CERS1: variants seen among roughly 807,000 people sequenced by gnomAD.
CERS1 encodes Embryonic growth/differentiation factor 1.
CERS1 carries 16 observed loss-of-function variants against 35.7 expected under a neutral mutation model. The observed-to-expected ratio is 0.45, with a 90% confidence interval of 0.30 to 0.68. CERS1 has a LOEUF of 0.68. Among genes scored for constraint, CERS1 ranks in the 30% least tolerant of loss-of-function variants. CERS1 has a pLI of 0.08. For missense variants in CERS1, 454 were observed against 453.9 expected, an observed-to-expected ratio of 1.00 and a Z score of 0.00; for synonymous variants, 243 against 201.6, an observed-to-expected ratio of 1.21 and a Z score of -1.74.
At position 18,893,400 on chromosome 19, in the gene CERS1, C is replaced by A; in HGVS notation, c.409+16G>T. On this transcript the variant is annotated intron_variant, in intron 2 of 7. Coordinates refer to ENST00000623882, the MANE Select transcript of CERS1 (RefSeq NM_021267.5). ...TTTAAGCAGAGCCCTCCCGGCCATC[C>A]CCTCAGGGCCCCTACCGTAGAAGAC... 1 of 1,592,540 alleles carries A rather than the reference C, an allele frequency of 6.3e-7. No homozygotes were observed. The highest frequency in any genetic ancestry group is 1.3e-5 in the African/African-American group (1 of 74,618).
rs996708246 is a variant in CERS1, at chr19:18,896,059, C to CCCG, written c.11_13dup (p.Ala4dup). The CCCG allele has an allele frequency of 7.7e-5, 76 of 982,136 alleles. No homozygotes were observed. The highest frequency in any genetic ancestry group is 4.5e-4 in the East Asian group (4 of 8,856). 60.8% of individuals were successfully genotyped at this position (982,136 alleles called of 1,614,324 possible). Reference sequence around the variant, plus strand: ...GGGCCCCGTCGGCCCCGCCGCGGGCCCCGCCGCCGCCATACCGCCCGCTCG... The same window carrying CCCG: ...GGGCCCCGTCGGCCCCGCCGCGGGCCCCGCCGCCGCCGCCATACCGCCCGCTCG... On this transcript the variant is annotated inframe_insertion, in exon 1 of 8. Transcript: ENST00000623882. This position sits in a 1 kb window ranked among gnomAD's most constrained non-coding sequence, Gnocchi z 5.9.
Position 18,895,763 on chromosome 19 carries a change from T to C in CERS1, c.249+61A>G. 1.0e-6 allele frequency: 1 copy of C among 961,714 alleles called. No individual in the cohort carries two copies. The highest frequency in any genetic ancestry group is 5.2e-5 in the Admixed American group (1 of 19,138). The allele number at this position is 961,714 out of a possible 1,614,324, so 59.6% of individuals were successfully genotyped here. ...AAAGGAACGCGCCGGCGGCCCCAGG[T>C]CCCCGGTCCCGGCTTCCCCCAGTCC... On this transcript the variant is annotated intron_variant, in intron 1 of 7. Coordinates refer to ENST00000623882, the MANE Select transcript of CERS1 (RefSeq NM_021267.5). The surrounding 1 kb of genome is among the most constrained non-coding windows in gnomAD (Gnocchi z 6.4).
At position 18,878,188 on chromosome 19, in the gene CERS1, C is replaced by T. The variant is rs2056099180; in HGVS notation, c.1010+742G>A. The T allele has an allele frequency of 6.1e-6, 6 of 985,660 alleles. No individual in the cohort carries two copies. The highest frequency in any genetic ancestry group is 7.2e-6 in the Non-Finnish European group (6 of 830,086). The allele number at this position is 985,660 out of a possible 1,614,324, so 61.1% of individuals were successfully genotyped here. On this transcript the variant is annotated intron_variant, in intron 6 of 7. Transcript: ENST00000623882. This position sits in a 1 kb window ranked among gnomAD's most constrained non-coding sequence, Gnocchi z 4.6. Reference sequence around the variant, plus strand: ...GGCACCTTCCAGGGCCTTCCACAACCTCCTGCCCCGGCTCCTGCTCAAACA... The same window carrying T: ...GGCACCTTCCAGGGCCTTCCACAACTTCCTGCCCCGGCTCCTGCTCAAACA...
chr19:18,881,467 G>A (rs761480190), intron 3 of CERS1, among the ~76,000 whole-genome samples: 5 of 151,174 alleles, frequency 3.3e-5, no homozygotes, highest in South Asian at 2.1e-4. Flanking sequence ...TGACCCACCC[G>A]CCTTGGCCTC....
intron 4 of CERS1, among the ~76,000 whole-genome samples, chr19:18,879,849 C>T (rs2146016714): frequency 6.6e-6 from 1 of 150,620 alleles, no homozygotes; most frequent in East Asian, 2.0e-4. Context: ...CACAGCGCCT[C>T]CCTTTCTCTG....
chr19:18,884,143 G>T lies in CERS1; in HGVS notation c.534C>A (p.Val178=). The change falls in exon 3 of 8, where the codon GTC becomes GTA. Residue 178 remains valine, a synonymous_variant. Transcript: ENST00000623882. ...YMDTWRKDSV[V]MLLHHVVTLI... is the part of the protein sequence containing the mutation. ...GAGTGACCACGTGGTGGAGCAGCAT[G>T]ACCACCGAGTCCTTGCGCCAGGTGT... The T allele has an allele frequency of 6.2e-7, 1 of 1,613,762 alleles. No individual in the cohort carries two copies. The highest frequency in any genetic ancestry group is 1.1e-5 in the South Asian group (1 of 91,006).
At chr19:18,877,477 G>A (rs564753663) in intron 6 of CERS1, among the ~76,000 whole-genome samples, 1 of 152,344 alleles carries the variant, frequency 6.6e-6, no homozygotes, top group Non-Finnish European at 1.5e-5. Context: ...CAGGCCGGCT[G>A]CAGTGGCTCA....
chr19:18,883,648 A>G (rs1457338682), intron 3 of CERS1, among the ~76,000 whole-genome samples: 1 of 152,136 alleles, frequency 6.6e-6, no homozygotes, highest in African/African-American at 2.4e-5. Context: ...GTTTGGACAG[A>G]CTCCATCTGA....
At chr19:18,885,554 C>T (rs1287978087) in intron 2 of CERS1, among the ~76,000 whole-genome samples, 2 of 137,722 alleles carry the variant, frequency 1.5e-5, no homozygotes, top group East Asian at 4.4e-4. Flanking sequence ...GAGTCTTGCT[C>T]TGTAGCCCAG....
Position 18,870,200 on chromosome 19 carries a change from G to A in CERS1, c.*377C>T. The A allele has an allele frequency of 1.3e-6, 2 of 1,559,632 alleles. No homozygotes were observed. Among genetic ancestry groups the A allele is most frequent in the South Asian group, 1.2e-5 (1 of 85,080 alleles). On this transcript the variant is annotated 3_prime_UTR_variant, in exon 7 of 8. Coordinates refer to ENST00000623882, the MANE Select transcript of CERS1 (RefSeq NM_021267.5). The surrounding 1 kb of genome is among the most constrained non-coding windows in gnomAD (Gnocchi z 5.1). ...GTCCTAGAGCCTGGAGCAGGGCGGC[G>A]GCTGGGCCTGGGGGCACGGGGGCGC...
At chr19:18,877,350 A>C (rs1222630994) in intron 6 of CERS1, among the ~76,000 whole-genome samples, 1 of 152,134 alleles carries the variant, frequency 6.6e-6, no homozygotes, top group East Asian at 1.9e-4. Context: ...TCACTGTTCT[A>C]CAGCAAGAGG....
rs759864943 is a variant in CERS1, at chr19:18,878,126, T to A, written c.1010+804A>T. On this transcript the variant is annotated intron_variant, in intron 6 of 7. Coordinates refer to ENST00000623882, the MANE Select transcript of CERS1 (RefSeq NM_021267.5). The surrounding 1 kb of genome is among the most constrained non-coding windows in gnomAD (Gnocchi z 4.6). ...GAAACCATCGTTCCCACGTCACCGA[T>A]GGCCCCCACCGGCCAAATCAGAGGG... 8 of 985,482 alleles carry A rather than the reference T, an allele frequency of 8.1e-6. No individual in the cohort carries two copies. Among genetic ancestry groups the A allele is most frequent in the Non-Finnish European group, 9.6e-6 (8 of 830,012 alleles). 61.0% of individuals were successfully genotyped at this position (985,482 alleles called of 1,614,324 possible).
intron 4 of CERS1, among the ~76,000 whole-genome samples, chr19:18,879,795 T>G (rs993463268): frequency 7.8e-6 from 1 of 128,212 alleles, no homozygotes; most frequent in African/African-American, 2.9e-5. Context: ...TCCCCTTCTC[T>G]GCCAGGCCCC....
rs1555702261 is a variant in CERS1 at position 18,868,914 on chromosome 19, GACAAGCGCCCCCGGGGCCGCCGCCCA to G, written c.*1045_*1070del. Reference sequence around the variant, plus strand: ...AAGCTCACGTACAGCCGCCGCGCGCGACAAGCGCCCCCGGGGCCGCCGCCCAACACGGGTTCGGCGTCGCGCCGCGG... The same window carrying G: ...AAGCTCACGTACAGCCGCCGCGCGCGACACGGGTTCGGCGTCGCGCCGCGG... On this transcript the variant is annotated 3_prime_UTR_variant, in exon 8 of 8. Coordinates refer to ENST00000623882, the MANE Select transcript of CERS1 (RefSeq NM_021267.5). The G allele has an allele frequency of 4.4e-6, 6 of 1,370,226 alleles. No individual in the cohort carries two copies. Among genetic ancestry groups the G allele is most frequent in the Non-Finnish European group, 5.7e-6 (6 of 1,052,508 alleles). 84.9% of individuals were successfully genotyped at this position (1,370,226 alleles called of 1,614,324 possible).
intron 2 of CERS1, among the ~76,000 whole-genome samples, chr19:18,888,276 T>C (rs2056407813): frequency 6.6e-6 from 1 of 151,946 alleles, no homozygotes; most frequent in East Asian, 1.9e-4. Context: ...GGAGAATCGC[T>C]TGAACCTGGG....
In CERS1 at chr19:18,896,084, G is replaced by T; in HGVS notation, c.-12C>A. The T allele has an allele frequency of 2.1e-6, 2 of 935,106 alleles. No individual in the cohort carries two copies. The highest frequency in any genetic ancestry group is 2.5e-6 in the Non-Finnish European group (2 of 786,578). 57.9% of individuals were successfully genotyped at this position (935,106 alleles called of 1,614,324 possible). ...CCCGCCGCCGCCATACCGCCCGCTC[G>T]CCCGCCGTGCCCGTCGCCTGCGCCC... On this transcript the variant is annotated 5_prime_UTR_variant, in exon 1 of 8. Coordinates refer to ENST00000623882, the MANE Select transcript of CERS1 (RefSeq NM_021267.5). The surrounding 1 kb of genome is among the most constrained non-coding windows in gnomAD (Gnocchi z 5.9).
In CERS1 at chr19:18,879,038, T is replaced by G; in HGVS notation, c.902A>C (p.Tyr301Ser). ...CACCTTGGCTGCAAACGCCACGATG[T>G]ACTGCGAGAGGGGAGGGGAGGTGCC... Reference protein sequence around the residue: ...LTLMNLYWFLYIVAFAAKVLT... With the variant: ...LTLMNLYWFLSIVAFAAKVLT... Residue 301 changes from tyrosine (Y) to serine (S), a missense_variant and splice_region_variant, in exon 6 of 8, where the codon TAC becomes TCC. Physicochemically the swap from Tyr to Ser is moderately radical, Grantham distance 144. Transcript: ENST00000623882. 1 of 1,613,386 alleles carries G rather than the reference T, an allele frequency of 6.2e-7. No homozygotes were observed. Among genetic ancestry groups the G allele is most frequent in the Non-Finnish European group, 8.5e-7 (1 of 1,179,806 alleles).
chr19:18,874,798 G>A (rs900350287), intron 6 of CERS1, among the ~76,000 whole-genome samples: 1 of 152,236 alleles, frequency 6.6e-6, no homozygotes, highest in African/African-American at 2.4e-5. Context: ...CCCTGGAGGT[G>A]AGGCTGCTCA....
At chr19:18,890,271 T>C (rs919971275) in intron 2 of CERS1, among the ~76,000 whole-genome samples, 1 of 152,176 alleles carries the variant, frequency 6.6e-6, no homozygotes, top group Admixed American at 6.5e-5. Flanking sequence ...CACAGCACAC[T>C]GCCTCTTCTC....
Sources: allele counts gnomAD v4.1 joint callset (sites outside exome capture counted in the v4.1 genomes callset), GRCh38; gene constraint gnomAD v4.1.1; non-coding constraint Gnocchi (gnomAD v3.1); transcripts MANE v1.5; gene names NCBI Gene and HGNC (gene_info 2026-07-23, HGNC 2026-07-21).